The following TET1 variants were observed in gnomAD, a reference collection of about 807,000 sequenced individuals.
TET1 encodes the protein tet methylcytosine dioxygenase 1.
A neutral mutation model predicts 148.7 loss-of-function variants in TET1; 13 were observed. That is an observed-to-expected ratio of 0.09 (90% confidence interval 0.06 to 0.14). The LOEUF (loss-of-function observed/expected upper bound fraction) is 0.14. TET1 is among the 10% of genes least tolerant of loss of function. TET1 has a pLI of 1.00. For missense variants in TET1, 2,182 were observed against 2,553.8 expected (o/e 0.85, Z 3.14); for synonymous variants, 907 against 937.2 (o/e 0.97, Z 0.59).
At chr10:68,626,102 A>AG (rs1267699709) in intron 3 of TET1, among the ~76,000 whole-genome samples, 5 of 23,770 alleles carry the variant, frequency 2.1e-4, no homozygotes, top group African/African-American at 8.7e-4. Flanking sequence ...AAAAAAGAAA[A>AG]AAAAAAAGAA....
At position 68,572,304 on chromosome 10, in the gene TET1, TC is replaced by T; in HGVS notation, c.-33del. On this transcript the variant is annotated 5_prime_UTR_variant, in exon 2 of 12. Coordinates refer to ENST00000373644, the MANE Select transcript of TET1 (RefSeq NM_030625.3). ...TTTCCAAAGGACCAATGACTCTGTTTCCTGCGCCCTTTCATTTTTTCCTACT... is the reference window on the plus strand; with the variant it reads ...TTTCCAAAGGACCAATGACTCTGTTTCTGCGCCCTTTCATTTTTTCCTACT... 1 of 1,535,468 alleles carries T rather than the reference TC, an allele frequency of 6.5e-7. No individual in the cohort carries two copies. Among genetic ancestry groups the T allele is most frequent in the Non-Finnish European group, 8.8e-7 (1 of 1,142,100 alleles).
At chr10:68,658,105 G>A (rs2055052083) in intron 6 of TET1, among the ~76,000 whole-genome samples, 1 of 152,064 alleles carries the variant, frequency 6.6e-6, no homozygotes, top group African/African-American at 2.4e-5. Context: ...TCTATATCAA[G>A]CATCGTTTCA....
At chr10:68,659,586 T>C (rs1477658740) in intron 6 of TET1, among the ~76,000 whole-genome samples, 1 of 152,210 alleles carries the variant, frequency 6.6e-6, no homozygotes, top group Admixed American at 6.5e-5. Flanking sequence ...CCCAAAGTGC[T>C]GTGATTACAG....
At chr10:68,667,617 G>A (rs958423261) in intron 7 of TET1, among the ~76,000 whole-genome samples, 4 of 151,906 alleles carry the variant, frequency 2.6e-5, no homozygotes, top group East Asian at 1.9e-4. Context: ...GGTGGCGGGC[G>A]CCTACAGTCC....
At chr10:68,683,458 T>G (rs2055465879) in intron 10 of TET1, among the ~76,000 whole-genome samples, 1 of 152,156 alleles carries the variant, frequency 6.6e-6, no homozygotes, top group South Asian at 2.1e-4. Flanking sequence ...TTTTGTATTT[T>G]TAGTAGAGAT....
At chr10:68,597,791 TACA>T (rs1302168918) in intron 2 of TET1, among the ~76,000 whole-genome samples, 2 of 152,250 alleles carry the variant, frequency 1.3e-5, no homozygotes, top group Non-Finnish European at 2.9e-5. Context: ...TGATACATTC[TACA>T]ACATGGATGA....
chr10:68,613,109 C>A lies in TET1; in HGVS notation c.1968+12075C>A, dbSNP rs140359932. ...AACTACAAAATTTGTGTAATTGCAT[C>A]TTGGTGTAAAGGAAAAACTACTTCC... On this transcript the variant is annotated intron_variant, in intron 3 of 11. Coordinates refer to ENST00000373644, the MANE Select transcript of TET1 (RefSeq NM_030625.3). 1.7e-4 allele frequency among the ~76,000 whole-genome samples: 26 copies of A among 152,270 alleles called. No homozygotes were observed. In the East Asian group the frequency reaches 4.6e-3, roughly 27 times the overall value.
At chr10:68,595,612 C>CTTCTTTTTTTTTTTTT (rs1554932701) in intron 2 of TET1, among the ~76,000 whole-genome samples, 1 of 76,516 alleles carries the variant, frequency 1.3e-5, no homozygotes, top group Non-Finnish European at 2.5e-5. Context: ...CACACAGCTT[C>CTTCTTTTTTTTTTTTT]TTTTTTTTTT....
chr10:68,568,619 G>C (rs1012003575), intron 1 of TET1, among the ~76,000 whole-genome samples: 1 of 152,162 alleles, frequency 6.6e-6, no homozygotes, highest in Non-Finnish European at 1.5e-5. Context: ...ATCTTATTTT[G>C]GGTCTGGGTA....
intron 3 of TET1, chr10:68,632,831 G>C: frequency 5.1e-6 from 2 of 390,598 alleles, no homozygotes; most frequent in Non-Finnish European, 4.5e-6. Flanking sequence ...TAAAGTTTAA[G>C]TTGTAAAAAA....
chr10:68,622,201 C>CCTTCCTTT lies in TET1; in HGVS notation c.1968+21174_1968+21175insTCTTCCTT, dbSNP rs1554937461. On this transcript the variant is annotated intron_variant, in intron 3 of 11. Coordinates refer to ENST00000373644, the MANE Select transcript of TET1 (RefSeq NM_030625.3). Reference sequence around the variant, plus strand: ...TCCTTCCTTCCTTCCTTCCTTCCTTCCTTCCTTCCTTCCTTCCTTCCCTCC... The same window carrying CCTTCCTTT: ...TCCTTCCTTCCTTCCTTCCTTCCTTCCTTCCTTTCTTCCTTCCTTCCTTCCTTCCCTCC... 1.6e-3 allele frequency among the ~76,000 whole-genome samples: 207 copies of CCTTCCTTT among 131,392 alleles called. 1 individual carries two copies. The highest frequency in any genetic ancestry group is 5.7e-3 in the African/African-American group (194 of 34,040). 86.2% of individuals were successfully genotyped at this position (131,392 alleles called of 152,430 possible). A position where few individuals can be genotyped will look rare whatever the true frequency, so the allele number is the denominator to read the frequency against.
chr10:68,561,100 T>C (rs1188720577), intron 1 of TET1, among the ~76,000 whole-genome samples: 1 of 151,932 alleles, frequency 6.6e-6, no homozygotes, highest in East Asian at 1.9e-4. Context: ...GTGGGGGAGA[T>C]GGCTGAATAT....
intron 2 of TET1, among the ~76,000 whole-genome samples, chr10:68,579,476 C>A (rs921967499): frequency 2.0e-5 from 3 of 152,180 alleles, no homozygotes; most frequent in Non-Finnish European, 4.4e-5. Context: ...TTACTATCAA[C>A]AAGTATTGCA....
intron 3 of TET1, 63 bp downstream of exon 3, chr10:68,601,097 A>G (rs1484097300): frequency 7.0e-7 from 1 of 1,425,044 alleles, no homozygotes; most frequent in African/African-American, 1.4e-5. Flanking sequence ...ATTTTTCTGC[A>G]CTTGGGTATA....
At chr10:68,673,954 CTTTTTCTTTTT>C in intron 8 of TET1, among the ~76,000 whole-genome samples, 2 of 78,824 alleles carry the variant, frequency 2.5e-5, no homozygotes, top group East Asian at 3.4e-4. Flanking sequence ...TTTTCTTTTT[CTTTTTCTTTTT>C]TTTTTTTTTT....
At chr10:68,571,287 G>A (rs2053667158) in intron 1 of TET1, among the ~76,000 whole-genome samples, 1 of 147,704 alleles carries the variant, frequency 6.8e-6, no homozygotes, top group African/African-American at 2.5e-5. Context: ...ACCACGCCCA[G>A]CCCTGTTATT....
chr10:68,603,645 C>T (rs1449521203), intron 3 of TET1, among the ~76,000 whole-genome samples: 1 of 152,058 alleles, frequency 6.6e-6, no homozygotes, highest in Non-Finnish European at 1.5e-5. Context: ...ACGGTGTGCA[C>T]TTCTAGTCCT....
Position 68,646,711 on chromosome 10 carries a change from C to A in TET1, c.3982C>A (p.Gln1328Lys), listed in dbSNP as rs538604181. Reference sequence around the variant, plus strand: ...ACGGTTTCAGCAGGTTGTTAAGGAGCAACTCATGCATCAGAGACTGCCAAC... The same window carrying A: ...ACGGTTTCAGCAGGTTGTTAAGGAGAAACTCATGCATCAGAGACTGCCAAC... ...QIRFQQVVKE[Q>K]LMHQRLPTLP... The change falls in exon 4 of 12, where the codon CAA (glutamine) becomes AAA (lysine). Residue 1328 changes from glutamine to lysine, a missense_variant. Transcript: ENST00000373644. 7 of 1,614,128 alleles carry A rather than the reference C, an allele frequency of 4.3e-6. No individual in the cohort carries two copies. In the East Asian group the frequency reaches 1.6e-4, roughly 36 times the overall value.
chr10:68,640,916 G>T (rs1031336334), intron 3 of TET1, among the ~76,000 whole-genome samples: 8 of 151,044 alleles, frequency 5.3e-5, no homozygotes, highest in Non-Finnish European at 4.4e-5. Flanking sequence ...ATATTTATAT[G>T]ATTTTTATGT....
Sources: allele counts gnomAD v4.1 joint callset (sites outside exome capture counted in the v4.1 genomes callset), GRCh38; gene constraint gnomAD v4.1.1; transcripts MANE v1.5; gene names NCBI Gene and HGNC (gene_info 2026-07-23, HGNC 2026-07-21).